Variants in PIAS4 observed in about 807,000 individuals in gnomAD.
The protein encoded by PIAS4 is protein inhibitor of activated STAT 4.
In PIAS4, 7 loss-of-function variants were observed where a neutral mutation model predicts 58.0. The ratio of observed to expected loss-of-function variants is 0.12; its 90% CI spans 0.07 to 0.23. PIAS4 has a LOEUF of 0.23. Ranked by LOEUF, PIAS4 falls within the 10% of genes least tolerant of loss-of-function variation. The probability of loss-of-function intolerance (pLI) is 1.00; values close to 1 mark genes in which losing one functional copy is unlikely to be tolerated. For synonymous variants in PIAS4, 364 were observed against 312.4 expected (o/e 1.17, Z -1.74); for missense variants, 550 against 709.5 (o/e 0.78, Z 2.55).
At position 4,037,683 on chromosome 19, in the gene PIAS4, G is replaced by A. The variant is rs376116689; in HGVS notation, c.1341G>A (p.Thr447=). The A allele has an allele frequency of 2.4e-5, 38 of 1,611,958 alleles. No individual in the cohort carries two copies. Among genetic ancestry groups the A allele is most frequent in the African/African-American group, 8.0e-5 (6 of 75,050 alleles). The change falls in exon 11 of 11, where the codon ACG becomes ACA. Residue 447 remains threonine (T), a synonymous_variant. Coordinates refer to ENST00000262971, the MANE Select transcript of PIAS4 (RefSeq NM_015897.4). This position sits in a 1 kb window ranked among gnomAD's most constrained non-coding sequence, Gnocchi z 5.8. ...ACGGGAGCGGTGCCCTGGGCAGCAC[G>A]GGTGGCGGCGGCCCGGTGGGCAGCA... ...SVNGSGALGS[T]GGGGPVGSME... is the part of the protein sequence containing the mutation.
intron 1 of PIAS4, among the ~76,000 whole-genome samples, chr19:4,010,738 C>T (rs2039984884): frequency 6.6e-6 from 1 of 152,216 alleles, no homozygotes; most frequent in African/African-American, 2.4e-5. Context: ...TCCTCACCTA[C>T]ACGATGGGTG....
At chr19:4,026,543 A>G (rs2040166267) in intron 3 of PIAS4, among the ~76,000 whole-genome samples, 1 of 144,308 alleles carries the variant, frequency 6.9e-6, no homozygotes, top group African/African-American at 2.6e-5. Context: ...AGCTCCCACC[A>G]CTGCCTAGTC....
At chr19:4,011,641 T>TGGTGTGGAGGTGTGTGG (rs2144904425) in intron 1 of PIAS4, among the ~76,000 whole-genome samples, 1 of 145,848 alleles carries the variant, frequency 6.9e-6, no homozygotes, top group Admixed American at 6.8e-5. Flanking sequence ...GAGGTGTGTT[T>TGGTGTGGAGGTGTGTGG]GGTGTGGAGG....
intron 2 of PIAS4, among the ~76,000 whole-genome samples, chr19:4,023,459 C>CCAAAA (rs112254507): frequency 0.011 from 1,611 of 152,250 alleles, 32 homozygotes; most frequent in African/African-American, 0.032. Context: ...AACTCCATCT[C>CCAAAA]CAAAACAAAA....
Position 4,037,911 on chromosome 19 carries a change from A to G in PIAS4, c.*36A>G, listed in dbSNP as rs1257718462. 1.3e-6 allele frequency: 2 copies of G among 1,558,620 alleles called. No homozygotes were observed. Among genetic ancestry groups the G allele is most frequent in the African/African-American group, 2.7e-5 (2 of 73,810 alleles). ...ACACTCGACTTTCCTGGTGCTCACC[A>G]CGCAGAGGGGCACGGGCCAGCCTCG... On this transcript the variant is annotated 3_prime_UTR_variant, in exon 11 of 11. Transcript: ENST00000262971. The surrounding 1 kb of genome is among the most constrained non-coding windows in gnomAD (Gnocchi z 5.8).
At chr19:4,022,089 A>G (rs1376690989) in intron 2 of PIAS4, among the ~76,000 whole-genome samples, 2 of 152,072 alleles carry the variant, frequency 1.3e-5, no homozygotes, top group Admixed American at 1.3e-4. Flanking sequence ...TATGGATCCA[A>G]CTTCCTTAAC....
At chr19:4,014,849 C>G (rs996549034) in intron 2 of PIAS4, among the ~76,000 whole-genome samples, 3 of 152,208 alleles carry the variant, frequency 2.0e-5, no homozygotes, top group Non-Finnish European at 4.4e-5. Context: ...GGCTGCTTTT[C>G]CCCTCCCATC....
At chr19:4,026,003 G>C (rs1186824604) in intron 3 of PIAS4, among the ~76,000 whole-genome samples, 1 of 146,720 alleles carries the variant, frequency 6.8e-6, no homozygotes, top group African/African-American at 2.6e-5. Flanking sequence ...GAACCCGGGA[G>C]GCGGAGCTTG....
chr19:4,027,581 T>G (rs75607066), intron 3 of PIAS4, among the ~76,000 whole-genome samples: 1 of 149,964 alleles, frequency 6.7e-6, no homozygotes, highest in Non-Finnish European at 1.5e-5. Context: ...TTTTTTTTTT[T>G]GGAGAGTGTT....
intron 7 of PIAS4, 100 bp downstream of exon 7, chr19:4,029,136 G>C: frequency 3.7e-6 from 3 of 816,244 alleles, no homozygotes; most frequent in Non-Finnish European, 6.0e-6. Context: ...GGAGGAGATC[G>C]ATCAGGGGCC....
intron 1 of PIAS4, among the ~76,000 whole-genome samples, chr19:4,010,796 G>T (rs575624831): frequency 6.6e-6 from 1 of 152,350 alleles, no homozygotes; most frequent in East Asian, 1.9e-4. Context: ...GCCTGGTAGG[G>T]AGCAAGACGC....
chr19:4,024,170 T>C, intron 3 of PIAS4, 50 bp downstream of exon 3: 1 of 1,380,448 alleles, frequency 7.2e-7, no homozygotes, highest in Non-Finnish European at 1.0e-6. Flanking sequence ...CCCACCCACT[T>C]TCTCCTGGGC....
intron 8 of PIAS4, 115 bp downstream of exon 8, chr19:4,033,288 GTCT>G: frequency 7.4e-7 from 1 of 1,344,118 alleles, no homozygotes; most frequent in Non-Finnish European, 1.0e-6. Flanking sequence ...GGCGAGGCTG[GTCT>G]TCGTCCCCTC....
intron 2 of PIAS4, 145 bp from the exon 3 acceptor site, chr19:4,023,891 G>T: frequency 3.1e-6 from 2 of 647,894 alleles, no homozygotes; most frequent in Non-Finnish European, 5.6e-6. Flanking sequence ...TTCCTGGGCG[G>T]CCCCCACCTC....
At position 4,037,057 on chromosome 19, in the gene PIAS4, G is replaced by A. The variant is rs1481085401; in HGVS notation, c.1143-317G>A. Among the ~76,000 whole-genome samples the A allele has an allele frequency of 6.6e-6, 1 of 152,366 alleles. No homozygotes were observed. Among genetic ancestry groups the A allele is most frequent in the African/African-American group, 2.4e-5 (1 of 41,592 alleles). ...TGCACACCCGGAGGTGCCCAGAGGG[G>A]CAGGGTGGGGAGGACCCCTGCAGCT... On this transcript the variant is annotated intron_variant, in intron 9 of 10. Coordinates refer to ENST00000262971, the MANE Select transcript of PIAS4 (RefSeq NM_015897.4). This position sits in a 1 kb window ranked among gnomAD's most constrained non-coding sequence, Gnocchi z 5.8.
rs1040471172 is a variant in PIAS4 at position 4,036,349 on chromosome 19, C to T, written c.1143-1025C>T. Among the ~76,000 whole-genome samples, 10 of 112,202 alleles carry T rather than the reference C, an allele frequency of 8.9e-5. 2 individuals are homozygous for T. Among genetic ancestry groups the T allele is most frequent in the Admixed American group, 3.8e-4 (4 of 10,502 alleles). 73.6% of individuals were successfully genotyped at this position (112,202 alleles called of 152,430 possible). Reference sequence around the variant, plus strand: ...ATGCACACATCTATACAGTCCACACCGTCACACATCTATACAGTCCACACC... The same window carrying T: ...ATGCACACATCTATACAGTCCACACTGTCACACATCTATACAGTCCACACC... On this transcript the variant is annotated intron_variant, in intron 9 of 10. Coordinates refer to ENST00000262971, the MANE Select transcript of PIAS4 (RefSeq NM_015897.4).
Position 4,037,760 on chromosome 19 carries a change from C to G in PIAS4, c.1418C>G (p.Ser473Ter). The part of the protein sequence containing the change: ...ADVVDLTLDS[S>*]SSSEDEEEEE... ...GTGGTGGACCTCACGCTGGACAGCT[C>G]ATCGTCCTCGGAGGATGAGGAGGAG... Residue 473 changes from serine to a stop codon, truncating the protein, a stop_gained, in exon 11 of 11, where the codon TCA (serine) becomes TGA (stop). Transcript: ENST00000262971. LOFTEE classifies it high-confidence loss of function. The surrounding 1 kb of genome is among the most constrained non-coding windows in gnomAD (Gnocchi z 5.8). The G allele has an allele frequency of 6.2e-7, 1 of 1,608,690 alleles. No individual in the cohort carries two copies. Among genetic ancestry groups the G allele is most frequent in the Non-Finnish European group, 8.5e-7 (1 of 1,178,148 alleles).
At chr19:4,024,257 G>A (rs942824535) in intron 3 of PIAS4, 137 bp downstream of exon 3, 3 of 677,820 alleles carry the variant, frequency 4.4e-6, no homozygotes, top group African/African-American at 1.8e-5. Context: ...GCAAGGCAGT[G>A]GCCGGGTTTG....
intron 2 of PIAS4, among the ~76,000 whole-genome samples, chr19:4,015,087 C>G (rs1568213003): frequency 6.6e-6 from 1 of 152,242 alleles, no homozygotes. Context: ...CCAGTGGCAC[C>G]TGTCCTGGGG....
Sources: gnomAD v4.1 joint callset for allele counts (sites outside exome capture counted in the v4.1 genomes callset) on GRCh38, gnomAD v4.1.1 for gene constraint, Gnocchi (gnomAD v3.1) non-coding constraint, MANE v1.5 for transcripts, NCBI Gene and HGNC (gene_info 2026-07-23, HGNC 2026-07-21) for gene names.